HLCS: variants seen among roughly 807,000 people sequenced by gnomAD.
HLCS encodes biotin--protein ligase.
In HLCS, 53 loss-of-function variants were observed where a neutral mutation model predicts 75.0. The observed-to-expected ratio is 0.71, with a 90% CI of 0.57 to 0.89. The LOEUF (loss-of-function observed/expected upper bound fraction) is 0.89. HLCS is among the 40% of genes least tolerant of loss of function. HLCS has a pLI of 0.00. For missense variants in HLCS, 966 were observed against 1,074.0 expected (o/e 0.90, Z 1.41); for synonymous variants, 431 against 428.6 (o/e 1.01, Z -0.07).
chr21:36,937,045 C>T lies in HLCS; in HGVS notation c.841G>A (p.Asp281Asn), dbSNP rs148426470. ...ACACTCTCCAAACTGCTGCTATAAT[C>T]GTAGGGAAGGTCTGGAATGTTCTCG... ...SAENIPDLPY[D>N]YSSSLESVAD... The change falls in exon 4 of 11, where the codon GAT becomes AAT. Residue 281 changes from aspartate to asparagine, a missense_variant. Asp to Asn is a conservative substitution (Grantham distance 23). Transcript: ENST00000674895. 1.4e-5 allele frequency: 22 copies of T among 1,613,998 alleles called. No individual in the cohort carries two copies. The highest frequency in any genetic ancestry group is 2.7e-5 in the African/African-American group (2 of 74,904).
At chr21:36,979,974 C>T (rs1296087355) in intron 1 of HLCS, among the ~76,000 whole-genome samples, 2 of 140,730 alleles carry the variant, frequency 1.4e-5, no homozygotes, top group African/African-American at 2.7e-5. Flanking sequence ...TGCAGTGAGC[C>T]GCAATCACGC....
At chr21:36,851,403 T>C (rs1411479897) in intron 6 of HLCS, among the ~76,000 whole-genome samples, 3 of 152,198 alleles carry the variant, frequency 2.0e-5, no homozygotes, top group Admixed American at 6.5e-5. Flanking sequence ...TGGAGGTCAT[T>C]ATGCTCAGTG....
chr21:36,873,096 C>T (rs2063826872), intron 6 of HLCS, among the ~76,000 whole-genome samples: 1 of 151,906 alleles, frequency 6.6e-6, no homozygotes. Flanking sequence ...GATTATTACA[C>T]TTATTATACT....
At chr21:36,913,632 G>T (rs956151797) in intron 5 of HLCS, among the ~76,000 whole-genome samples, 2 of 152,068 alleles carry the variant, frequency 1.3e-5, no homozygotes, top group African/African-American at 4.8e-5. Context: ...ATGGTGGTGG[G>T]TGCCTGTAGT....
chr21:36,984,731 C>A (rs540382559), intron 1 of HLCS, among the ~76,000 whole-genome samples: 2 of 152,242 alleles, frequency 1.3e-5, no homozygotes, highest in South Asian at 4.1e-4. Flanking sequence ...TGGCTGCACT[C>A]AAAATCCAGA....
At chr21:36,841,665 T>A (rs944610290) in intron 6 of HLCS, among the ~76,000 whole-genome samples, 2 of 152,142 alleles carry the variant, frequency 1.3e-5, no homozygotes, top group Admixed American at 1.3e-4. Context: ...ATCTGTAAAA[T>A]GGGGATAATG....
chr21:36,757,254 C>G (rs2089639984), intron 9 of HLCS, among the ~76,000 whole-genome samples: 1 of 152,094 alleles, frequency 6.6e-6, no homozygotes, highest in African/African-American at 2.4e-5. Context: ...ATGGCATAAC[C>G]CTAGAAATGC....
chr21:36,750,419 G>A lies in HLCS; in HGVS notation c.*3827C>T, dbSNP rs1455373638. Among the ~76,000 whole-genome samples the A allele has an allele frequency of 6.6e-6, 1 of 152,164 alleles. No homozygotes were observed. Among genetic ancestry groups the A allele is most frequent in the Non-Finnish European group, 1.5e-5 (1 of 68,040 alleles). On this transcript the variant is annotated 3_prime_UTR_variant, in exon 11 of 11. Coordinates refer to ENST00000674895, the MANE Select transcript of HLCS (RefSeq NM_001352514.2). ...CCATTCATACCTTTGTAGAGCAGTG[G>A]GCTGGGTGTGGAGGGCAGCGCGGAG...
intron 8 of HLCS, among the ~76,000 whole-genome samples, chr21:36,762,377 A>C (rs989042284): frequency 4.0e-5 from 6 of 151,528 alleles, no homozygotes; most frequent in African/African-American, 7.3e-5. Flanking sequence ...GGGTGGAGGG[A>C]GGGTGCGGGG....
chr21:36,773,510 T>C (rs1373813493), intron 6 of HLCS, among the ~76,000 whole-genome samples: 1 of 152,244 alleles, frequency 6.6e-6, no homozygotes, highest in Non-Finnish European at 1.5e-5. Context: ...CAGTCTGGCA[T>C]GGGGTGGGTG....
intron 6 of HLCS, among the ~76,000 whole-genome samples, chr21:36,793,078 C>T (rs547297460): frequency 2.0e-5 from 3 of 152,286 alleles, no homozygotes; most frequent in East Asian, 1.9e-4. Flanking sequence ...ACCCCTCATG[C>T]GCTTTTGATT....
intron 6 of HLCS, among the ~76,000 whole-genome samples, chr21:36,829,632 G>A (rs968433365): frequency 2.0e-5 from 3 of 151,950 alleles, no homozygotes; most frequent in Non-Finnish European, 2.9e-5. Flanking sequence ...ATGGGTTCAC[G>A]GTGCCATCCA....
At chr21:36,909,572 C>G (rs1164808774) in intron 5 of HLCS, among the ~76,000 whole-genome samples, 1 of 152,084 alleles carries the variant, frequency 6.6e-6, no homozygotes, top group Non-Finnish European at 1.5e-5. Context: ...GATCAGAAAC[C>G]CATGTTATAC....
At chr21:36,782,299 C>G (rs1031594014) in intron 6 of HLCS, among the ~76,000 whole-genome samples, 1 of 152,110 alleles carries the variant, frequency 6.6e-6, no homozygotes, top group Non-Finnish European at 1.5e-5. Flanking sequence ...CCAAAAGAAA[C>G]CTTTTTGATT....
intron 6 of HLCS, among the ~76,000 whole-genome samples, chr21:36,781,403 A>G (rs1251983122): frequency 6.6e-6 from 1 of 152,078 alleles, no homozygotes; most frequent in Non-Finnish European, 1.5e-5. Flanking sequence ...GTTCAAATAT[A>G]CTTTTGTGTC....
intron 6 of HLCS, among the ~76,000 whole-genome samples, chr21:36,799,635 G>A (rs1476422898): frequency 1.3e-5 from 2 of 152,134 alleles, no homozygotes; most frequent in African/African-American, 4.8e-5. Context: ...GGAAGGGGCT[G>A]CGGCCTGAAC....
intron 5 of HLCS, among the ~76,000 whole-genome samples, chr21:36,902,994 G>A (rs1483686638): frequency 1.3e-5 from 2 of 152,074 alleles, no homozygotes; most frequent in Non-Finnish European, 2.9e-5. Context: ...GATCCTGTTG[G>A]GGAGGAGAGT....
chr21:36,787,267 A>G (rs1052776974), intron 6 of HLCS, among the ~76,000 whole-genome samples: 1 of 151,540 alleles, frequency 6.6e-6, no homozygotes, highest in Non-Finnish European at 1.5e-5. Flanking sequence ...CTCCAGGGCC[A>G]CCGTGGGACG....
intron 6 of HLCS, among the ~76,000 whole-genome samples, chr21:36,834,924 C>T (rs2062355446): frequency 6.6e-6 from 1 of 152,212 alleles, no homozygotes. Flanking sequence ...ATGAGAATAA[C>T]TTCTTTGGAG....
Sources: allele counts gnomAD v4.1 joint callset (sites outside exome capture counted in the v4.1 genomes callset), GRCh38; gene constraint gnomAD v4.1.1; transcripts MANE v1.5; gene names NCBI Gene and HGNC (gene_info 2026-07-23, HGNC 2026-07-21).